The following MLLT3 variants were observed in gnomAD, a reference collection of about 807,000 sequenced individuals.
MLLT3 encodes the protein MLLT3 super elongation complex subunit.
Under a neutral mutation model 53.2 loss-of-function variants are expected in MLLT3, and 4 were observed. The ratio of observed to expected loss-of-function variants is 0.08; its 90% CI spans 0.04 to 0.17. The LOEUF (loss-of-function observed/expected upper bound fraction) is 0.17. Among genes scored for constraint, MLLT3 ranks in the 10% least tolerant of loss-of-function variants. The probability of loss-of-function intolerance (pLI) is 1.00; values close to 1 mark genes in which losing one functional copy is unlikely to be tolerated. For missense variants in MLLT3, 569 were observed against 684.0 expected (o/e 0.83, Z 1.87); for synonymous variants, 283 against 230.6 (o/e 1.23, Z -2.06).
rs1289895096 is a variant in MLLT3 at position 20,438,487 on chromosome 9, T to C, written c.420+9636A>G. Reference sequence around the variant, plus strand: ...GGCTGTAGTGCAGTAACAGAAATTATAACTCACTGGAGCCTCAAATTCCTG... The same window carrying C: ...GGCTGTAGTGCAGTAACAGAAATTACAACTCACTGGAGCCTCAAATTCCTG... On this transcript the variant is annotated intron_variant, in intron 4 of 10. Coordinates refer to ENST00000380338, the MANE Select transcript of MLLT3 (RefSeq NM_004529.4). 2.0e-5 allele frequency among the ~76,000 whole-genome samples: 3 copies of C among 152,184 alleles called. No homozygotes were observed. In the East Asian group the frequency reaches 5.8e-4, roughly 29 times the overall value.
intron 5 of MLLT3, among the ~76,000 whole-genome samples, chr9:20,406,339 T>C (rs906942176): frequency 6.6e-6 from 1 of 152,168 alleles, no homozygotes; most frequent in East Asian, 1.9e-4. Context: ...ATTCTAACTT[T>C]GTACTATCTG....
At chr9:20,392,229 C>T (rs1288670675) in intron 5 of MLLT3, among the ~76,000 whole-genome samples, 1 of 152,188 alleles carries the variant, frequency 6.6e-6, no homozygotes, top group Admixed American at 6.5e-5. Context: ...ATCTCACTTC[C>T]TCAAACCATA....
chr9:20,547,292 C>G (rs1818812733), intron 2 of MLLT3, among the ~76,000 whole-genome samples: 1 of 151,880 alleles, frequency 6.6e-6, no homozygotes, highest in Non-Finnish European at 1.5e-5. Context: ...CCTCAACCTC[C>G]TAAAGTGCTG....
At chr9:20,519,234 T>C (rs1817995340) in intron 2 of MLLT3, among the ~76,000 whole-genome samples, 1 of 152,224 alleles carries the variant, frequency 6.6e-6, no homozygotes, top group African/African-American at 2.4e-5. Context: ...GGAAATTAGT[T>C]AATAATGGTG....
intron 2 of MLLT3, among the ~76,000 whole-genome samples, chr9:20,470,480 T>C (rs1824360659): frequency 6.6e-6 from 1 of 152,034 alleles, no homozygotes; most frequent in Non-Finnish European, 1.5e-5. Context: ...GATGCTGATA[T>C]CAGCTAATGA....
chr9:20,622,296 C>T lies in MLLT3; in HGVS notation c.-40G>A. 7.1e-7 allele frequency: 1 copy of T among 1,409,922 alleles called. No homozygotes were observed. Among genetic ancestry groups the T allele is most frequent in the Non-Finnish European group, 9.6e-7 (1 of 1,040,764 alleles). The allele number at this position is 1,409,922 out of a possible 1,614,324, so 87.3% of individuals were successfully genotyped here. On this transcript the variant is annotated 5_prime_UTR_variant, in exon 1 of 11. Coordinates refer to ENST00000380338, the MANE Select transcript of MLLT3 (RefSeq NM_004529.4). ...AGGTTTGCTGGGGTGTTGTGTGGTACCCCCCCCTCCTCCGCCCCCCCTCAG... is the reference window on the plus strand; with the variant it reads ...AGGTTTGCTGGGGTGTTGTGTGGTATCCCCCCCTCCTCCGCCCCCCCTCAG...
chr9:20,371,548 G>C (rs143762034), intron 5 of MLLT3, among the ~76,000 whole-genome samples: 95 of 152,320 alleles, frequency 6.2e-4, no homozygotes, highest in African/African-American at 2.1e-3. Context: ...TATAGGAATG[G>C]AACAACAAAA....
intron 7 of MLLT3, among the ~76,000 whole-genome samples, chr9:20,362,307 T>C (rs1374959866): frequency 1.3e-5 from 2 of 152,194 alleles, no homozygotes; most frequent in Admixed American, 6.5e-5. Flanking sequence ...ATATTCTAAA[T>C]AACAACTAGG....
chr9:20,350,191 C>G (rs944730690), intron 10 of MLLT3, among the ~76,000 whole-genome samples: 4 of 152,200 alleles, frequency 2.6e-5, no homozygotes, highest in African/African-American at 9.6e-5. Context: ...CAGGAATACC[C>G]TCTTTGCTGA....
intron 2 of MLLT3, among the ~76,000 whole-genome samples, chr9:20,555,898 C>T (rs1176739647): frequency 1.3e-5 from 2 of 152,200 alleles, no homozygotes; most frequent in South Asian, 2.1e-4. Context: ...AAGCCATCTG[C>T]CAACAAATCA....
intron 2 of MLLT3, among the ~76,000 whole-genome samples, chr9:20,491,232 G>C (rs773161095): frequency 2.0e-5 from 3 of 151,890 alleles, no homozygotes; most frequent in Non-Finnish European, 4.4e-5. Flanking sequence ...TCAATCAAAG[G>C]CTACGTTTTA....
intron 2 of MLLT3, among the ~76,000 whole-genome samples, chr9:20,506,919 A>T (rs1318208215): frequency 6.6e-6 from 1 of 152,238 alleles, no homozygotes; most frequent in East Asian, 1.9e-4. Flanking sequence ...GTAGTAGTTA[A>T]TCACTTGCTA....
intron 2 of MLLT3, among the ~76,000 whole-genome samples, chr9:20,590,447 G>A (rs891091750): frequency 2.0e-5 from 3 of 152,160 alleles, no homozygotes; most frequent in East Asian, 1.9e-4. Flanking sequence ...TTTCCCCCAC[G>A]CTGTTCTCAT....
At chr9:20,502,306 T>C (rs889605888) in intron 2 of MLLT3, 2 of 153,980 alleles carry the variant, frequency 1.3e-5, no homozygotes, top group African/African-American at 4.8e-5. Flanking sequence ...CAAAGAGCCA[T>C]ATTTGTGTCT....
At chr9:20,539,864 C>A (rs1359661834) in intron 2 of MLLT3, among the ~76,000 whole-genome samples, 2 of 152,176 alleles carry the variant, frequency 1.3e-5, no homozygotes, top group Non-Finnish European at 1.5e-5. Context: ...TAAGGCAAGT[C>A]CCTTCCACAT....
intron 4 of MLLT3, among the ~76,000 whole-genome samples, chr9:20,443,832 C>T (rs1823619142): frequency 6.6e-6 from 1 of 152,174 alleles, no homozygotes; most frequent in Non-Finnish European, 1.5e-5. Context: ...ACTGCCATAT[C>T]CGTTTCACAG....
intron 8 of MLLT3, among the ~76,000 whole-genome samples, chr9:20,359,319 C>T (rs1404836108): frequency 6.6e-6 from 1 of 152,076 alleles, no homozygotes; most frequent in Non-Finnish European, 1.5e-5. Flanking sequence ...TTTTACTTTC[C>T]TCTGAAATGC....
At chr9:20,471,563 TTCTC>T (rs1449531245) in intron 2 of MLLT3, among the ~76,000 whole-genome samples, 3 of 152,088 alleles carry the variant, frequency 2.0e-5, no homozygotes, top group African/African-American at 7.2e-5. Flanking sequence ...GTTATTTAAC[TTCTC>T]TCTATCTCAG....
chr9:20,485,745 C>CGT (rs10536645), intron 2 of MLLT3, among the ~76,000 whole-genome samples: 53 of 151,218 alleles, frequency 3.5e-4, no homozygotes, highest in African/African-American at 5.3e-4. Flanking sequence ...CATATACACA[C>CGT]GTGTGTGTGT....
Sources: allele counts gnomAD v4.1 joint callset (sites outside exome capture counted in the v4.1 genomes callset), GRCh38; gene constraint gnomAD v4.1.1; transcripts MANE v1.5; gene names NCBI Gene and HGNC (gene_info 2026-07-23, HGNC 2026-07-21).